Variants in TRIM16 observed in about 807,000 individuals in gnomAD.
The protein encoded by TRIM16 is tripartite motif containing 16.
In TRIM16, 33 loss-of-function variants were observed where a neutral mutation model predicts 50.4. The ratio of observed to expected loss-of-function variants is 0.65; its 90% confidence interval spans 0.50 to 0.88. The LOEUF (loss-of-function observed/expected upper bound fraction) is 0.88, where lower values mean the gene tolerates loss of function less well. Ranked by LOEUF, TRIM16 falls within the 40% of genes least tolerant of loss-of-function variation. The pLI is 0.00. For synonymous variants in TRIM16, 229 were observed against 270.7 expected (o/e 0.85, Z 1.51); for missense variants, 581 against 686.8 (o/e 0.85, Z 1.72).
At chr17:15,676,450 C>G (rs1236148176) in intron 6 of TRIM16, among the ~76,000 whole-genome samples, 2 of 50,738 alleles carry the variant, frequency 3.9e-5, no homozygotes, top group African/African-American at 1.7e-4. Flanking sequence ...TTTTTTTTTT[C>G]TTGAGATGGA....
intron 11 of TRIM16, 40 bp downstream of exon 11, chr17:15,631,579 A>G (rs773243746): frequency 2.0e-5 from 33 of 1,610,014 alleles, no homozygotes; most frequent in Admixed American, 3.3e-5. Context: ...CACTGCACTG[A>G]TATCAACAAC....
At chr17:15,649,139 A>C (rs1265947025) in intron 7 of TRIM16, among the ~76,000 whole-genome samples, 1 of 152,098 alleles carries the variant, frequency 6.6e-6, no homozygotes, top group African/African-American at 2.4e-5. Context: ...TTTATATTGT[A>C]TCTCTGTTGG....
In TRIM16 at chr17:15,651,417, G is replaced by T; in HGVS notation, c.193C>A (p.Gln65Lys). 1 of 1,614,084 alleles carries T rather than the reference G, an allele frequency of 6.2e-7. No individual in the cohort carries two copies. The highest frequency in any genetic ancestry group is 8.5e-7 in the Non-Finnish European group (1 of 1,179,976). The change falls in exon 7 of 12, where the codon CAG becomes AAG. Residue 65 changes from glutamine (Q) to lysine (K), a missense_variant. Physicochemically the swap from Gln to Lys is moderately conservative, Grantham distance 53 (BLOSUM62 1). This residue lies in a region of TRIM16 where 450 missense variants were observed against 544.3 expected (regional missense o/e 0.83). Transcript: ENST00000649191. The stretch of plus-strand genomic sequence containing the variant: ...TTCCCCTCACCAGCAGGATCCCCCT[G>T]CTCTGCAGAGTCGCTGTCCTGTTCC... ...TEEQDSDSAE[Q>K]GDPAGEGKEV...
chr17:15,664,961 G>T (rs1988414258), intron 6 of TRIM16, among the ~76,000 whole-genome samples: 1 of 151,488 alleles, frequency 6.6e-6, no homozygotes, highest in Admixed American at 6.6e-5. Flanking sequence ...GAACCCGGGA[G>T]GTGGAGGTTG....
chr17:15,653,336 C>T (rs1256465739), intron 6 of TRIM16, among the ~76,000 whole-genome samples: 3 of 152,184 alleles, frequency 2.0e-5, no homozygotes, highest in South Asian at 2.1e-4. Context: ...TTTCTTTATA[C>T]GTTACCCCCA....
intron 6 of TRIM16, among the ~76,000 whole-genome samples, chr17:15,665,457 C>T (rs1244070067): frequency 4.6e-5 from 7 of 151,170 alleles, no homozygotes; most frequent in Non-Finnish European, 1.0e-4. Flanking sequence ...TGCCATGAGC[C>T]GAAATGGTGC....
At position 15,651,512 on chromosome 17, in the gene TRIM16, T is replaced by A. The variant is rs991472738; in HGVS notation, c.98A>T (p.Asp33Val). The stretch of plus-strand genomic sequence containing the variant: ...TTCCACTGGGCTGGCTGACCCAGAA[T>A]CTGGGCTGGGTGACCCAGAGTCTGG... ...LSPDSGSPSP[D>V]SGSASPVEEE... is the part of the protein sequence containing the mutation. Residue 33 changes from aspartate to valine, a missense_variant, in exon 7 of 12, where the codon GAT (aspartate) becomes GTT (valine). Transcript: ENST00000649191. 1.9e-6 allele frequency: 3 copies of A among 1,613,116 alleles called. No homozygotes were observed. The highest frequency in any genetic ancestry group is 2.5e-6 in the Non-Finnish European group (3 of 1,179,436).
chr17:15,653,299 T>C (rs1194377027), intron 6 of TRIM16, among the ~76,000 whole-genome samples: 2 of 152,182 alleles, frequency 1.3e-5, no homozygotes, highest in Non-Finnish European at 2.9e-5. Flanking sequence ...TTGTACAGCC[T>C]GCAAAACCGT....
intron 7 of TRIM16, among the ~76,000 whole-genome samples, chr17:15,643,692 C>G: frequency 6.6e-6 from 1 of 151,932 alleles, no homozygotes; most frequent in Non-Finnish European, 1.5e-5. Flanking sequence ...CAGAGTTTGA[C>G]TCCTTTTGTC....
At chr17:15,637,169 T>TG (rs1237019435) in intron 8 of TRIM16, among the ~76,000 whole-genome samples, 6 of 48,092 alleles carry the variant, frequency 1.2e-4, no homozygotes, top group Admixed American at 5.0e-4. Context: ...GGGAGGGAGG[T>TG]GGGGGGGTCA....
Position 15,682,877 on chromosome 17 carries a change from A to G in TRIM16, c.-702T>C, listed in dbSNP as rs775801803. On this transcript the variant is annotated 5_prime_UTR_variant, in exon 3 of 12. Coordinates refer to ENST00000649191, the MANE Select transcript of TRIM16 (RefSeq NM_001348119.1). ...ACCACGCACCAGGTGCTTTCCATAA[A>G]TCAGTATTCACAGATGAGGAAACTG... 17 of 1,456,196 alleles carry G rather than the reference A, an allele frequency of 1.2e-5. No individual in the cohort carries two copies. The highest frequency in any genetic ancestry group is 2.7e-5 in the Admixed American group (1 of 36,652). The allele number at this position is 1,456,196 out of a possible 1,614,324, so 90.2% of individuals were successfully genotyped here. A position where few individuals can be genotyped will look rare whatever the true frequency, so the allele number is the denominator to read the frequency against.
chr17:15,650,969 G>A (rs1234421892), intron 7 of TRIM16, 122 bp downstream of exon 7: 1 of 1,382,264 alleles, frequency 7.2e-7, no homozygotes, highest in African/African-American at 1.4e-5. Context: ...GCTGAAGCTA[G>A]TCTTTTTCAG....
At chr17:15,682,229 T>C (rs1411055477) in intron 3 of TRIM16, among the ~76,000 whole-genome samples, 1 of 152,228 alleles carries the variant, frequency 6.6e-6, no homozygotes, top group East Asian at 1.9e-4. Context: ...TGGCGCTTTC[T>C]TTCTATACTT....
intron 6 of TRIM16, among the ~76,000 whole-genome samples, chr17:15,660,670 G>C (rs1396378924): frequency 2.0e-5 from 3 of 151,952 alleles, no homozygotes; most frequent in Non-Finnish European, 4.4e-5. Flanking sequence ...AGGCCGAGGT[G>C]GGTGGATCAC....
chr17:15,628,529 C>A lies in TRIM16; in HGVS notation c.*86G>T, dbSNP rs1986217852. 1.4e-6 allele frequency: 2 copies of A among 1,394,106 alleles called. No homozygotes were observed. Among genetic ancestry groups the A allele is most frequent in the Admixed American group, 5.3e-5 (2 of 38,024 alleles). 86.4% of individuals were successfully genotyped at this position (1,394,106 alleles called of 1,614,324 possible). A position where few individuals can be genotyped will look rare whatever the true frequency, so the allele number is the denominator to read the frequency against. On this transcript the variant is annotated 3_prime_UTR_variant, in exon 12 of 12. Coordinates refer to ENST00000649191, the MANE Select transcript of TRIM16 (RefSeq NM_001348119.1). ...TAGGATTTCAAAAGCCAGCTACCATCAGCAGTTATTTCTGCCCCCAAATCA... is the reference window on the plus strand; with the variant it reads ...TAGGATTTCAAAAGCCAGCTACCATAAGCAGTTATTTCTGCCCCCAAATCA...
In TRIM16 at chr17:15,628,911, A is replaced by G. The variant is rs1201939543; in HGVS notation, c.1399T>C (p.Trp467Arg). 6.2e-7 allele frequency: 1 copy of G among 1,614,244 alleles called. No individual in the cohort carries two copies. The highest frequency in any genetic ancestry group is 1.1e-5 in the South Asian group (1 of 91,092). The change falls in exon 12 of 12, where the codon TGG (tryptophan) becomes CGG (arginine). Residue 467 changes from tryptophan to arginine, a missense_variant. Physicochemically the swap from Trp to Arg is moderately radical, Grantham distance 101. Around this residue, in one of 3 missense-constraint regions of TRIM16, gnomAD observed 115 missense variants for 106.7 expected, o/e 1.08. Transcript: ENST00000649191. ...NSCISGNNFS[W>R]SLQWNGKEFT... ...TCCTTCCCGTTCCATTGGAGGCTCC[A>G]GGAGAAGTTGTTTCCGGAAATGCAA...
intron 6 of TRIM16, among the ~76,000 whole-genome samples, chr17:15,659,076 A>G (rs975794018): frequency 1.3e-5 from 2 of 152,120 alleles, no homozygotes; most frequent in Non-Finnish European, 2.9e-5. Flanking sequence ...TTCCCTTCAC[A>G]AAGACAGGAG....
At chr17:15,636,853 A>G (rs1986774416) in intron 8 of TRIM16, among the ~76,000 whole-genome samples, 1 of 149,374 alleles carries the variant, frequency 6.7e-6, no homozygotes, top group African/African-American at 2.5e-5. Flanking sequence ...TGTGACATTC[A>G]AATAAAATAT....
intron 6 of TRIM16, among the ~76,000 whole-genome samples, chr17:15,653,298 C>T (rs1360146624): frequency 1.3e-5 from 2 of 152,216 alleles, no homozygotes; most frequent in Non-Finnish European, 2.9e-5. Flanking sequence ...CTTGTACAGC[C>T]TGCAAAACCG....
Sources: gnomAD v4.1 joint callset for allele counts (sites outside exome capture counted in the v4.1 genomes callset) on GRCh38, gnomAD v4.1.1 for gene constraint, gnomAD v4.1.1 regional missense constraint, MANE v1.5 for transcripts, NCBI Gene and HGNC (gene_info 2026-07-23, HGNC 2026-07-21) for gene names.